The following SRI variants were observed in gnomAD, a reference collection of about 807,000 sequenced individuals.
SRI encodes the protein 22 kDa protein.
Under a neutral mutation model 33.3 loss-of-function variants are expected in SRI, and 30 were observed. That is an observed-to-expected ratio of 0.90 (90% confidence interval 0.67 to 1.22). The LOEUF is 1.22. SRI is among the 50% of genes most tolerant of loss of function. The probability of loss-of-function intolerance (pLI) is 0.00; values close to 1 mark genes in which losing one functional copy is unlikely to be tolerated. For synonymous variants in SRI, 75 were observed against 89.9 expected, an observed-to-expected ratio of 0.83 and a Z score of 0.94; for missense variants, 243 against 250.8, an observed-to-expected ratio of 0.97 and a Z score of 0.21.
At chr7:88,206,814 C>T (rs1411475607) in intron 7 of SRI, among the ~76,000 whole-genome samples, 2 of 151,940 alleles carry the variant, frequency 1.3e-5, no homozygotes, top group African/African-American at 4.8e-5. Context: ...TAGAAATGGC[C>T]GTGGTCAAAG....
chr7:88,220,381 C>T (rs1420037550), upstream of SRI, among the ~76,000 whole-genome samples: 9 of 148,246 alleles, frequency 6.1e-5, no homozygotes, highest in Non-Finnish European at 1.2e-4. Context: ...TTCCTTCGGA[C>T]TTGGCTATTA....
chr7:88,207,375 C>T (rs960909380), intron 7 of SRI, among the ~76,000 whole-genome samples: 1 of 152,168 alleles, frequency 6.6e-6, no homozygotes, highest in African/African-American at 2.4e-5. Flanking sequence ...AGCATATTCA[C>T]ACACACATAC....
chr7:88,210,304 C>G, intron 4 of SRI, 174 bp from the exon 5 acceptor site: 2 of 739,952 alleles, frequency 2.7e-6, no homozygotes, highest in East Asian at 5.6e-5. Context: ...GGAGAAAAAG[C>G]TCAAGTGCCA....
At chr7:88,208,830 G>A (rs1851497092) in intron 6 of SRI, 2 of 442,392 alleles carry the variant, frequency 4.5e-6, no homozygotes, top group Non-Finnish European at 8.2e-6. Context: ...CTTACCCAAA[G>A]TCAGTAAAAG....
chr7:88,225,359 A>T (rs1384716202), intron 1 of SRI, among the ~76,000 whole-genome samples: 1 of 152,196 alleles, frequency 6.6e-6, no homozygotes, highest in Non-Finnish European at 1.5e-5. Context: ...CTTTATATAT[A>T]TACTTTCTTA....
intron 2 of SRI, among the ~76,000 whole-genome samples, chr7:88,218,200 C>CTCAATGTAAGATAGCACCTG (rs969849930): frequency 6.6e-6 from 1 of 152,172 alleles, no homozygotes; most frequent in African/African-American, 2.4e-5. Context: ...AGTGTCCTCT[C>CTCAATGTAAGATAGCACCTG]TCAATGTAAG....
chr7:88,219,643 A>T (rs1332278511), intron 1 of SRI, among the ~76,000 whole-genome samples: 1 of 13,540 alleles, frequency 7.4e-5, no homozygotes, highest in South Asian at 1.7e-3. Context: ...GCAACCAAGA[A>T]GGCGGGGGTG....
chr7:88,219,855 G>C, intron 1 of SRI, 121 bp downstream of exon 1: 2 of 1,254,500 alleles, frequency 1.6e-6, no homozygotes, highest in South Asian at 2.8e-5. Flanking sequence ...AGAAGCCGAG[G>C]GCGGAAGGAG....
At chr7:88,214,153 T>C (rs1851650538) in intron 3 of SRI, among the ~76,000 whole-genome samples, 1 of 152,116 alleles carries the variant, frequency 6.6e-6, no homozygotes, top group Admixed American at 6.6e-5. Context: ...AAGAAAGACT[T>C]TATAGAAGAC....
chr7:88,213,773 G>C (rs1054379680), intron 3 of SRI, among the ~76,000 whole-genome samples: 3 of 152,146 alleles, frequency 2.0e-5, no homozygotes, highest in East Asian at 3.8e-4. Flanking sequence ...AACCCTCTTA[G>C]ATCGTCTAAG....
chr7:88,206,463 C>G lies in SRI; in HGVS notation c.*15G>C. 1 of 1,613,834 alleles carries G rather than the reference C, an allele frequency of 6.2e-7. No homozygotes were observed. The highest frequency in any genetic ancestry group is 8.5e-7 in the Non-Finnish European group (1 of 1,179,786). ...AGTTGGAATGTTGATTACATTCATGCAGCTTCCTCTTGATTTAAACACTCA... is the reference window on the plus strand; with the variant it reads ...AGTTGGAATGTTGATTACATTCATGGAGCTTCCTCTTGATTTAAACACTCA... On this transcript the variant is annotated 3_prime_UTR_variant, in exon 8 of 8. Coordinates refer to ENST00000265729, the MANE Select transcript of SRI (RefSeq NM_003130.4).
upstream of SRI, among the ~76,000 whole-genome samples, chr7:88,220,466 G>A (rs775369562): frequency 6.6e-6 from 1 of 152,178 alleles, no homozygotes. Flanking sequence ...ACCATCGCGA[G>A]GCAGGGGCTG....
chr7:88,210,165 C>T (rs749743351), intron 4 of SRI, 35 bp from the exon 5 acceptor site: 82 of 1,611,714 alleles, frequency 5.1e-5, no homozygotes, highest in Middle Eastern at 3.3e-4. Context: ...CTGTATTTTG[C>T]GATATTTTCT....
At chr7:88,224,402 A>G (rs915527466), upstream of SRI, among the ~76,000 whole-genome samples, 1 of 152,246 alleles carries the variant, frequency 6.6e-6, no homozygotes, top group Non-Finnish European at 1.5e-5. Flanking sequence ...TGAATTAACC[A>G]TAGGTCTTCA....
chr7:88,214,565 CTCTT>C (rs1232046921), intron 3 of SRI, among the ~76,000 whole-genome samples: 1 of 151,892 alleles, frequency 6.6e-6, no homozygotes, highest in East Asian at 1.9e-4. Flanking sequence ...GTAAGGAAAA[CTCTT>C]TCTCAATTTT....
intron 7 of SRI, chr7:88,207,975 G>A (rs1851473348): frequency 6.7e-6 from 1 of 150,046 alleles, no homozygotes; most frequent in African/African-American, 2.5e-5. Flanking sequence ...GCAACAGAGC[G>A]AGACTCCATC....
At chr7:88,215,580 A>G (rs1351236145) in intron 3 of SRI, among the ~76,000 whole-genome samples, 1 of 152,242 alleles carries the variant, frequency 6.6e-6, no homozygotes, top group Non-Finnish European at 1.5e-5. Context: ...GTTTAGGACT[A>G]GATTAAATAA....
rs1343091478 is a variant in SRI, at chr7:88,205,365, T to G, written c.*1113A>C. 1 of 152,222 alleles carries G rather than the reference T, an allele frequency of 6.6e-6. No homozygotes were observed. The highest frequency in any genetic ancestry group is 1.5e-5 in the Non-Finnish European group (1 of 68,042). 9.4% of individuals were successfully genotyped at this position (152,222 alleles called of 1,614,324 possible). Reference sequence around the variant, plus strand: ...CATATTCAGAACTACTCCCAAGAGATAACATATTATCTCCTTTTCAAAGAT... The same window carrying G: ...CATATTCAGAACTACTCCCAAGAGAGAACATATTATCTCCTTTTCAAAGAT... On this transcript the variant is annotated 3_prime_UTR_variant, in exon 8 of 8. Transcript: ENST00000265729.
upstream of SRI, among the ~76,000 whole-genome samples, chr7:88,224,080 G>T (rs562927007): frequency 6.6e-6 from 1 of 152,298 alleles, no homozygotes; most frequent in African/African-American, 2.4e-5. Context: ...AAAGACCAAG[G>T]CTGAGAGATG....
Sources: allele counts gnomAD v4.1 joint callset (sites outside exome capture counted in the v4.1 genomes callset), GRCh38; gene constraint gnomAD v4.1.1; transcripts MANE v1.5; gene names NCBI Gene and HGNC (gene_info 2026-07-23, HGNC 2026-07-21).